Variants in TMEM135 observed in about 807,000 individuals in gnomAD.
TMEM135 encodes transmembrane protein 135, also known as peroxisomal membrane protein 52.
A neutral mutation model predicts 60.3 loss-of-function variants in TMEM135; 30 were observed. The ratio of observed to expected loss-of-function variants is 0.50; its 90% confidence interval spans 0.37 to 0.68. The LOEUF is 0.68. Among genes scored for constraint, TMEM135 ranks in the 30% least tolerant of loss-of-function variants. The probability of loss-of-function intolerance (pLI) is 0.00; values close to 1 mark genes in which losing one functional copy is unlikely to be tolerated. For missense variants in TMEM135, 468 were observed against 548.8 expected (o/e 0.85, Z 1.47); for synonymous variants, 190 against 186.7 (o/e 1.02, Z -0.14).
At chr11:87,195,181 G>A (rs955600127) in intron 5 of TMEM135, among the ~76,000 whole-genome samples, 20 of 152,040 alleles carry the variant, frequency 1.3e-4, no homozygotes, top group Non-Finnish European at 2.8e-4. Flanking sequence ...CCAAATTTAG[G>A]TAATTTATTT....
At chr11:87,318,373 T>G (rs1422973340) in intron 13 of TMEM135, 138 bp downstream of exon 13, 2 of 707,372 alleles carry the variant, frequency 2.8e-6, no homozygotes, top group African/African-American at 2.0e-5. Flanking sequence ...TTTTGTTTTG[T>G]TTTTTTTTCA....
intron 3 of TMEM135, among the ~76,000 whole-genome samples, chr11:87,081,163 A>G (rs76109040): frequency 0.014 from 2,189 of 151,694 alleles, 66 homozygotes; most frequent in African/African-American, 0.05. Context: ...GTGTTAGCCT[A>G]TAAATTAGAT....
intron 1 of TMEM135, among the ~76,000 whole-genome samples, chr11:87,049,127 TCAC>T (rs1413750708): frequency 1.1e-4 from 1 of 9,478 alleles, no homozygotes; most frequent in African/African-American, 7.4e-4. Context: ...AGAGATTTTG[TCAC>T]CACCAGGCCT....
At chr11:87,066,002 T>C (rs12273779) in intron 1 of TMEM135, among the ~76,000 whole-genome samples, 22,354 of 152,194 alleles carry the variant, frequency 0.15, 1,743 homozygotes, top group Non-Finnish European at 0.17. Flanking sequence ...CATCATTGTT[T>C]TGCCTGTGTA....
At chr11:87,237,189 G>C (rs974035109) in intron 6 of TMEM135, among the ~76,000 whole-genome samples, 1 of 151,978 alleles carries the variant, frequency 6.6e-6, no homozygotes. Flanking sequence ...TCTCAGGTTT[G>C]TTGGGGGCTA....
intron 6 of TMEM135, among the ~76,000 whole-genome samples, chr11:87,276,028 C>T (rs1174818444): frequency 3.7e-4 from 57 of 152,158 alleles, no homozygotes; most frequent in Non-Finnish European, 7.3e-5. Context: ...GGACCCCAAC[C>T]ATGTAGCATG....
At position 87,324,562 on chromosome 11, in the gene TMEM135, G is replaced by A. The variant is rs1942884970; in HGVS notation, c.*3229G>A. 1 of 451,552 alleles carries A rather than the reference G, an allele frequency of 2.2e-6. No individual in the cohort carries two copies. Among genetic ancestry groups the A allele is most frequent in the African/African-American group, 2.0e-5 (1 of 49,730 alleles). The allele number at this position is 451,552 out of a possible 1,614,324, so 28.0% of individuals were successfully genotyped here. The stretch of plus-strand genomic sequence containing the variant: ...TCAGTCTCTAATAGCTGGGACAACA[G>A]GCATGTGCCACCATGCCTGGCTAAT... On this transcript the variant is annotated 3_prime_UTR_variant, in exon 15 of 15. Coordinates refer to ENST00000305494, the MANE Select transcript of TMEM135 (RefSeq NM_022918.4).
chr11:87,099,564 G>T (rs1857405895), intron 4 of TMEM135, among the ~76,000 whole-genome samples: 1 of 151,460 alleles, frequency 6.6e-6, no homozygotes, highest in African/African-American at 2.4e-5. Flanking sequence ...GTTTTTAGCT[G>T]TTATGAACAA....
intron 4 of TMEM135, among the ~76,000 whole-genome samples, chr11:87,098,583 A>C (rs1416773352): frequency 6.7e-6 from 1 of 150,368 alleles, no homozygotes; most frequent in Non-Finnish European, 1.5e-5. Flanking sequence ...TAAAATGATA[A>C]ACTTAAATTA....
intron 5 of TMEM135, among the ~76,000 whole-genome samples, chr11:87,207,528 C>T (rs113060678): frequency 3.1e-3 from 469 of 152,228 alleles, no homozygotes; most frequent in Non-Finnish European, 5.3e-3. Flanking sequence ...TAAAATTTCC[C>T]AGATATGATA....
Position 87,069,899 on chromosome 11 carries a change from C to T in TMEM135, c.270-1624C>T, listed in dbSNP as rs1025450397. 6.6e-5 allele frequency among the ~76,000 whole-genome samples: 10 copies of T among 152,070 alleles called. No individual in the cohort carries two copies. The South Asian group carries it at 1.0e-3, about 16-fold the overall frequency. On this transcript the variant is annotated intron_variant, in intron 2 of 14. Transcript: ENST00000305494. ...TTAAGAAATTATTTCAGGCCAGGTA[C>T]GGTGGCTCACACCTGTTATCTCAGC...
chr11:87,242,412 C>G (rs1941159542), intron 6 of TMEM135, among the ~76,000 whole-genome samples: 1 of 137,854 alleles, frequency 7.3e-6, no homozygotes, highest in Non-Finnish European at 1.6e-5. Context: ...TTCTAGATCC[C>G]TGAGGAATCG....
chr11:87,239,274 G>C (rs547805065), intron 6 of TMEM135, among the ~76,000 whole-genome samples: 1 of 152,162 alleles, frequency 6.6e-6, no homozygotes. Flanking sequence ...TCTCCTAAAA[G>C]AAGTACTATC....
chr11:87,211,129 C>T (rs747619497), intron 5 of TMEM135, among the ~76,000 whole-genome samples: 36 of 152,138 alleles, frequency 2.4e-4, no homozygotes, highest in Non-Finnish European at 4.1e-4. Context: ...CAATGTACTT[C>T]GATTTTATAA....
intron 10 of TMEM135, 130 bp downstream of exon 10, chr11:87,309,802 C>G: frequency 1.0e-6 from 1 of 993,266 alleles, no homozygotes; most frequent in Non-Finnish European, 1.5e-6. Flanking sequence ...CTTGACATAA[C>G]CAAATCTATA....
chr11:87,082,419 A>G (rs1056571367), intron 3 of TMEM135, among the ~76,000 whole-genome samples: 1 of 152,196 alleles, frequency 6.6e-6, no homozygotes, highest in African/African-American at 2.4e-5. Context: ...AAATTATTAC[A>G]TCTAGTGCCA....
chr11:87,063,306 T>A (rs944107551), intron 1 of TMEM135, among the ~76,000 whole-genome samples: 29 of 152,312 alleles, frequency 1.9e-4, no homozygotes, highest in Admixed American at 1.6e-3. Flanking sequence ...ACCATAGTGG[T>A]ATGATGTGCC....
chr11:87,252,504 G>T (rs1941437463), intron 6 of TMEM135, among the ~76,000 whole-genome samples: 1 of 152,106 alleles, frequency 6.6e-6, no homozygotes, highest in African/African-American at 2.4e-5. Context: ...CGGGCACAGT[G>T]GCTCATGCCT....
chr11:87,038,069 C>T lies in TMEM135; in HGVS notation c.24C>T (p.Ile8=), dbSNP rs150068664. 2.5e-6 allele frequency: 4 copies of T among 1,614,064 alleles called. No individual in the cohort carries two copies. The highest frequency in any genetic ancestry group is 3.4e-6 in the Non-Finnish European group (4 of 1,180,034). Residue 8 remains isoleucine (I), a synonymous_variant, in exon 1 of 15, where the codon ATC becomes ATT. Transcript: ENST00000305494. MAALSKS[I]PHNCYEIGHT... ...TCATGGCGGCCCTCAGCAAGTCCAT[C>T]CCTCATAACTGCTATGAGATCGGCC...
Sources: allele counts gnomAD v4.1 joint callset (sites outside exome capture counted in the v4.1 genomes callset), GRCh38; gene constraint gnomAD v4.1.1; transcripts MANE v1.5; gene names NCBI Gene and HGNC (gene_info 2026-07-23, HGNC 2026-07-21).